MAP7: variants seen among roughly 807,000 people sequenced by gnomAD.
The protein encoded by MAP7 is microtubule associated protein 7.
Under a neutral mutation model 94.8 loss-of-function variants are expected in MAP7, and 52 were observed. The observed-to-expected ratio is 0.55, with a 90% CI of 0.44 to 0.69. The LOEUF (loss-of-function observed/expected upper bound fraction) is 0.69, where lower values mean the gene tolerates loss of function less well. Among genes scored for constraint, MAP7 ranks in the 30% least tolerant of loss-of-function variants. The pLI is 0.00. For synonymous variants in MAP7, 350 were observed against 357.0 expected, an observed-to-expected ratio of 0.98 and a Z score of 0.22; for missense variants, 940 against 964.6, an observed-to-expected ratio of 0.97 and a Z score of 0.34.
intron 1 of MAP7, among the ~76,000 whole-genome samples, chr6:136,484,548 G>A (rs1814002317): frequency 6.6e-6 from 1 of 152,122 alleles, no homozygotes; most frequent in Admixed American, 6.5e-5. Context: ...CCAATATCTT[G>A]CACAACAGAA....
At chr6:136,437,676 G>C (rs2128830444) in intron 1 of MAP7, among the ~76,000 whole-genome samples, 1 of 152,112 alleles carries the variant, frequency 6.6e-6, no homozygotes, top group Middle Eastern at 3.4e-3. Context: ...AACATCAGCT[G>C]ACAATACATT....
At chr6:136,360,541 C>T (rs1317935557) in intron 13 of MAP7, among the ~76,000 whole-genome samples, 156 bp downstream of exon 13, 1 of 152,142 alleles carries the variant, frequency 6.6e-6, no homozygotes, top group Non-Finnish European at 1.5e-5. Context: ...GGCTAAAACA[C>T]CGAGAGAGAT....
At chr6:136,418,922 A>G (rs1473772956) in intron 2 of MAP7, among the ~76,000 whole-genome samples, 1 of 152,252 alleles carries the variant, frequency 6.6e-6, no homozygotes, top group Non-Finnish European at 1.5e-5. Context: ...TTACTAAATC[A>G]AGAGCCTTTT....
chr6:136,381,413 CA>C (rs375591348), intron 6 of MAP7, among the ~76,000 whole-genome samples: 2,286 of 152,116 alleles, frequency 0.015, 32 homozygotes, highest in Non-Finnish European at 0.024. Flanking sequence ...TCCTGGGGCT[CA>C]AATGATTCAC....
intron 1 of MAP7, among the ~76,000 whole-genome samples, chr6:136,454,101 C>G (rs1802008606): frequency 6.6e-6 from 1 of 152,070 alleles, no homozygotes; most frequent in Admixed American, 6.5e-5. Context: ...AGGCTCTTCC[C>G]AAACTGCCAA....
At chr6:136,493,116 C>CT (rs1415093225) in intron 1 of MAP7, among the ~76,000 whole-genome samples, 67 of 132,650 alleles carry the variant, frequency 5.1e-4, no homozygotes, top group African/African-American at 1.9e-3. Context: ...CTCTTTTCTT[C>CT]TTTCCTTTTT....
At chr6:136,547,692 C>G (rs1157224703) in intron 1 of MAP7, among the ~76,000 whole-genome samples, 1 of 137,446 alleles carries the variant, frequency 7.3e-6, no homozygotes. Flanking sequence ...ATTTGACTAA[C>G]TTTGAGAATA....
At chr6:136,421,233 T>A (rs1395414671) in intron 2 of MAP7, among the ~76,000 whole-genome samples, 1 of 152,232 alleles carries the variant, frequency 6.6e-6, no homozygotes, top group East Asian at 1.9e-4. Context: ...CATAATTCTA[T>A]ACAAGCTTTG....
At chr6:136,435,214 C>T (rs1796063721) in intron 1 of MAP7, among the ~76,000 whole-genome samples, 1 of 152,194 alleles carries the variant, frequency 6.6e-6, no homozygotes, top group Admixed American at 6.5e-5. Flanking sequence ...TGGATACCTT[C>T]TCCTAGAAGA....
intron 3 of MAP7, among the ~76,000 whole-genome samples, chr6:136,394,748 C>A (rs1333808217): frequency 1.3e-5 from 2 of 151,046 alleles, no homozygotes; most frequent in African/African-American, 4.9e-5. Context: ...CAGCCCCTGG[C>A]AAGCACCACT....
chr6:136,411,518 G>A (rs749856084), intron 3 of MAP7, 102 bp downstream of exon 3: 109 of 917,854 alleles, frequency 1.2e-4, no homozygotes, highest in Non-Finnish European at 1.8e-4. Flanking sequence ...ACTAAATTCT[G>A]CCTCATAGTC....
chr6:136,354,910 T>A (rs1211563126), intron 16 of MAP7, among the ~76,000 whole-genome samples: 1 of 152,192 alleles, frequency 6.6e-6, no homozygotes, highest in African/African-American at 2.4e-5. Context: ...ATAGATCAGA[T>A]AACATAATCA....
intron 4 of MAP7, 63 bp from the exon 5 acceptor site, chr6:136,388,573 T>A: frequency 1.5e-6 from 2 of 1,308,246 alleles, no homozygotes; most frequent in Non-Finnish European, 2.2e-6. Flanking sequence ...TTCTTCAATT[T>A]AAGGCAGAAT....
Position 136,383,901 on chromosome 6 carries a change from T to C in MAP7, c.527-120A>G, listed in dbSNP as rs1345620304. Reference sequence around the variant, plus strand: ...TTCTGCTCTATTTCTAGATCTGTCATAATAACACAGTTTTCTAAGTGGACA... The same window carrying C: ...TTCTGCTCTATTTCTAGATCTGTCACAATAACACAGTTTTCTAAGTGGACA... On this transcript the variant is annotated intron_variant, in intron 5 of 17. Transcript: ENST00000354570. The C allele has an allele frequency of 4.7e-6, 3 of 632,800 alleles. No homozygotes were observed. In the African/African-American group the frequency reaches 5.8e-5, roughly 12 times the overall value. 39.2% of individuals were successfully genotyped at this position (632,800 alleles called of 1,614,324 possible).
At chr6:136,435,159 G>C (rs910243257) in intron 1 of MAP7, among the ~76,000 whole-genome samples, 3 of 152,176 alleles carry the variant, frequency 2.0e-5, no homozygotes, top group Admixed American at 6.5e-5. Context: ...ACAATAGTAG[G>C]AGAAGCCAGA....
intron 1 of MAP7, among the ~76,000 whole-genome samples, chr6:136,479,478 A>G (rs1264461884): frequency 1.3e-5 from 2 of 152,250 alleles, no homozygotes; most frequent in African/African-American, 4.8e-5. Context: ...CACCACTGTC[A>G]TTCAACATAG....
chr6:136,361,931 C>T (rs1280811265), intron 11 of MAP7, among the ~76,000 whole-genome samples: 1 of 152,188 alleles, frequency 6.6e-6, no homozygotes, highest in Non-Finnish European at 1.5e-5. Context: ...AAAAAGCAGA[C>T]TGTACAATTG....
At chr6:136,435,617 T>C (rs1433500973) in intron 1 of MAP7, among the ~76,000 whole-genome samples, 2 of 152,228 alleles carry the variant, frequency 1.3e-5, no homozygotes, top group African/African-American at 4.8e-5. Context: ...CTATGTCCTT[T>C]ATTTTACAGA....
chr6:136,377,323 A>G (rs1582724351), intron 7 of MAP7, among the ~76,000 whole-genome samples: 1 of 152,240 alleles, frequency 6.6e-6, no homozygotes, highest in East Asian at 1.9e-4. Flanking sequence ...AGTAGTAGCT[A>G]TGCCACAGCC....
Sources: gnomAD v4.1 joint callset for allele counts (sites outside exome capture counted in the v4.1 genomes callset) on GRCh38, gnomAD v4.1.1 for gene constraint, MANE v1.5 for transcripts, NCBI Gene and HGNC (gene_info 2026-07-23, HGNC 2026-07-21) for gene names.